The following TAOK3 variants were observed in gnomAD, a reference collection of about 807,000 sequenced individuals.
TAOK3 encodes TAO kinase 3.
In TAOK3, 40 loss-of-function variants were observed where a neutral mutation model predicts 120.4. The ratio of observed to expected loss-of-function variants is 0.33; its 90% CI spans 0.26 to 0.43. The LOEUF is 0.43. TAOK3 is among the 20% of genes least tolerant of loss of function. The pLI is 1.00. For missense variants in TAOK3, 821 were observed against 1,112.1 expected, an observed-to-expected ratio of 0.74 and a Z score of 3.72; for synonymous variants, 355 against 387.5, an observed-to-expected ratio of 0.92 and a Z score of 0.99.
rs573031984 is a variant in TAOK3, at chr12:118,285,685, T to A, written c.-193-18926A>T. On this transcript the variant is annotated intron_variant, in intron 1 of 20. Coordinates refer to ENST00000392533, the MANE Select transcript of TAOK3 (RefSeq NM_016281.4). ...ATACATGCTATATAATTTTTAAATATTCTCTTGTGAACCCAGAAAATCTGA... is the reference window on the plus strand; with the variant it reads ...ATACATGCTATATAATTTTTAAATAATCTCTTGTGAACCCAGAAAATCTGA... Among the ~76,000 whole-genome samples the A allele has an allele frequency of 7.9e-5, 12 of 152,314 alleles. No individual in the cohort carries two copies. The South Asian group carries it at 2.5e-3, about 32-fold the overall frequency.
intron 3 of TAOK3, among the ~76,000 whole-genome samples, 185 bp downstream of exon 3, chr12:118,255,263 G>C (rs2040930717): frequency 6.6e-6 from 1 of 152,102 alleles, no homozygotes; most frequent in African/African-American, 2.4e-5. Context: ...AGAACATGTA[G>C]AGTTCAAACT....
chr12:118,287,850 C>T (rs968338972), intron 1 of TAOK3, among the ~76,000 whole-genome samples: 4 of 152,190 alleles, frequency 2.6e-5, no homozygotes, highest in Admixed American at 2.6e-4. Context: ...GATGTAAACA[C>T]CTTTAGCCTC....
chr12:118,213,809 A>G (rs1051283289), intron 10 of TAOK3, among the ~76,000 whole-genome samples: 7 of 152,204 alleles, frequency 4.6e-5, no homozygotes, highest in African/African-American at 1.7e-4. Flanking sequence ...AACACAGTGC[A>G]AGCCATGGTG....
intron 1 of TAOK3, among the ~76,000 whole-genome samples, chr12:118,288,250 C>T (rs924214992): frequency 3.9e-5 from 6 of 151,992 alleles, no homozygotes; most frequent in Admixed American, 3.9e-4. Context: ...AAGGTCTGCT[C>T]AGGTTCTGCT....
intron 1 of TAOK3, among the ~76,000 whole-genome samples, chr12:118,273,031 A>G (rs1457650960): frequency 6.6e-6 from 1 of 152,128 alleles, no homozygotes; most frequent in African/African-American, 2.4e-5. Flanking sequence ...ATTCTCCTGA[A>G]CCATGCTGCC....
intron 14 of TAOK3, among the ~76,000 whole-genome samples, chr12:118,185,215 T>C (rs1369969627): frequency 6.6e-6 from 1 of 151,926 alleles, no homozygotes; most frequent in Non-Finnish European, 1.5e-5. Context: ...AATAAACAAA[T>C]AATAAATAAT....
intron 9 of TAOK3, among the ~76,000 whole-genome samples, chr12:118,229,038 C>T (rs771162281): frequency 4.6e-5 from 7 of 152,066 alleles, no homozygotes; most frequent in South Asian, 2.1e-4. Flanking sequence ...TCTCCTACCT[C>T]AGCTTCACTT....
chr12:118,303,250 T>G (rs1388968544), intron 1 of TAOK3, among the ~76,000 whole-genome samples: 1 of 152,222 alleles, frequency 6.6e-6, no homozygotes, highest in African/African-American at 2.4e-5. Context: ...CCTCTGTTTT[T>G]TTGCTTCACA....
chr12:118,340,273 C>G (rs767936473), intron 1 of TAOK3, among the ~76,000 whole-genome samples: 2 of 152,054 alleles, frequency 1.3e-5, no homozygotes, highest in Non-Finnish European at 1.5e-5. Flanking sequence ...CCTTCCCTCC[C>G]AAGAGCAAAA....
intron 9 of TAOK3, among the ~76,000 whole-genome samples, chr12:118,218,643 A>G (rs1181840907): frequency 6.6e-6 from 1 of 151,730 alleles, no homozygotes; most frequent in Non-Finnish European, 1.5e-5. Context: ...ACAATTTCCT[A>G]TAAAGACTCA....
chr12:118,341,718 C>G (rs2044627789), intron 1 of TAOK3, among the ~76,000 whole-genome samples: 1 of 152,126 alleles, frequency 6.6e-6, no homozygotes, highest in Admixed American at 6.5e-5. Context: ...CTAAACCATG[C>G]TAAAAAAACC....
intron 1 of TAOK3, among the ~76,000 whole-genome samples, chr12:118,368,296 G>A (rs186193375): frequency 4.0e-5 from 6 of 151,872 alleles, no homozygotes; most frequent in Non-Finnish European, 8.8e-5. Flanking sequence ...TCCCGGATTC[G>A]AGCGATTCTC....
At chr12:118,322,718 C>CTTTTTTTTTTT (rs199608892) in intron 1 of TAOK3, among the ~76,000 whole-genome samples, 2 of 93,810 alleles carry the variant, frequency 2.1e-5, no homozygotes, top group Non-Finnish European at 3.8e-5. Flanking sequence ...ATTTAAAAAC[C>CTTTTTTTTTTT]TTTTTTTTTT....
chr12:118,155,744 AT>A (rs1267538897), intron 19 of TAOK3, among the ~76,000 whole-genome samples: 8 of 151,542 alleles, frequency 5.3e-5, no homozygotes, highest in African/African-American at 1.9e-4. Context: ...CATCTTATTT[AT>A]TTTTTTTAAG....
In TAOK3 at chr12:118,226,508, T is replaced by C. The variant is rs562415539; in HGVS notation, c.643+7166A>G. Reference sequence around the variant, plus strand: ...GAGATCGTGCCACTGCACTCCAGCCTGGTGACAGAGCGAGACTCCGTCTAA... The same window carrying C: ...GAGATCGTGCCACTGCACTCCAGCCCGGTGACAGAGCGAGACTCCGTCTAA... On this transcript the variant is annotated intron_variant, in intron 9 of 20. Coordinates refer to ENST00000392533, the MANE Select transcript of TAOK3 (RefSeq NM_016281.4). Among the ~76,000 whole-genome samples, 174 of 144,858 alleles carry C rather than the reference T, an allele frequency of 1.2e-3. 1 individual carries two copies. The highest frequency in any genetic ancestry group is 4.1e-3 in the African/African-American group (158 of 38,922).
intron 1 of TAOK3, among the ~76,000 whole-genome samples, chr12:118,288,462 T>A (rs181583301): frequency 4.5e-4 from 69 of 152,280 alleles, no homozygotes; most frequent in African/African-American, 1.2e-3. Flanking sequence ...TTAAGATCTG[T>A]AAGCCAGGAA....
intron 4 of TAOK3, 61 bp from the exon 5 acceptor site, chr12:118,243,577 A>G: frequency 1.5e-6 from 1 of 648,416 alleles, no homozygotes; most frequent in Non-Finnish European, 2.5e-6. Context: ...AGTATTTCCT[A>G]TCAAGTATAC....
chr12:118,266,104 T>G (rs2041434422), intron 2 of TAOK3, among the ~76,000 whole-genome samples: 1 of 152,312 alleles, frequency 6.6e-6, no homozygotes, highest in East Asian at 1.9e-4. Context: ...GTAAGCTCAT[T>G]TCTTTTAACC....
At chr12:118,253,030 T>C (rs2040825205) in intron 3 of TAOK3, among the ~76,000 whole-genome samples, 2 of 152,172 alleles carry the variant, frequency 1.3e-5, no homozygotes, top group African/African-American at 4.8e-5. Context: ...CCAGCCGAAA[T>C]TAGCACCCTT....
Sources: gnomAD v4.1 joint callset for allele counts (sites outside exome capture counted in the v4.1 genomes callset) on GRCh38, gnomAD v4.1.1 for gene constraint, MANE v1.5 for transcripts, NCBI Gene and HGNC (gene_info 2026-07-23, HGNC 2026-07-21) for gene names.